SLC2A14: variants seen among roughly 807,000 people sequenced by gnomAD.
The protein encoded by SLC2A14 is solute carrier family 2, facilitated glucose transporter member 14.
Under a neutral mutation model 43.0 loss-of-function variants are expected in SLC2A14, and 13 were observed. That is an observed-to-expected ratio of 0.30 (90% CI 0.20 to 0.48). The LOEUF is 0.48. SLC2A14 is among the 20% of genes least tolerant of loss of function. The pLI, the probability that SLC2A14 is intolerant of heterozygous loss-of-function variation, is 0.99. For missense variants in SLC2A14, 428 were observed against 620.4 expected (o/e 0.69, Z 3.29); for synonymous variants, 190 against 233.8 (o/e 0.81, Z 1.71).
intron 2 of SLC2A14, among the ~76,000 whole-genome samples, chr12:7,844,910 T>C (rs911810887): frequency 6.6e-6 from 1 of 152,138 alleles, no homozygotes; most frequent in African/African-American, 2.4e-5. Context: ...TTTAATAATC[T>C]TTTTATCCAT....
At chr12:7,833,711 G>A (rs1865215552) in intron 2 of SLC2A14, among the ~76,000 whole-genome samples, 1 of 151,946 alleles carries the variant, frequency 6.6e-6, no homozygotes, top group Non-Finnish European at 1.5e-5. Context: ...GACCCTGAGA[G>A]GCGGAGGTTG....
intron 2 of SLC2A14, among the ~76,000 whole-genome samples, chr12:7,854,551 C>T (rs1350666433): frequency 1.3e-5 from 2 of 151,836 alleles, no homozygotes; most frequent in Non-Finnish European, 2.9e-5. Context: ...GTGCAATGGC[C>T]CACGAGTGCA....
At position 7,819,114 on chromosome 12, in the gene SLC2A14, G is replaced by A. The variant is rs187774169; in HGVS notation, c.1071+368C>T. On this transcript the variant is annotated intron_variant, in intron 9 of 10. Transcript: ENST00000431042. ...TGCCTGTAATCACAGCTACTCGGGAGGCTGATGCAGGAGAATCACTTGAAC... is the reference window on the plus strand; with the variant it reads ...TGCCTGTAATCACAGCTACTCGGGAAGCTGATGCAGGAGAATCACTTGAAC... Among the ~76,000 whole-genome samples the A allele has an allele frequency of 4.6e-3, 706 of 152,184 alleles. 6 individuals carry two copies. The highest frequency in any genetic ancestry group is 0.011 in the Admixed American group (169 of 15,266).
upstream of SLC2A14, among the ~76,000 whole-genome samples, chr12:7,876,456 G>A (rs749715876): frequency 3.2e-4 from 49 of 152,140 alleles, no homozygotes; most frequent in African/African-American, 1.1e-3. Context: ...TCAAGTGTTG[G>A]TGCTGAAGTG....
At chr12:7,874,772 CAT>C (rs372968029), upstream of SLC2A14, among the ~76,000 whole-genome samples, 56,977 of 78,366 alleles carry the variant, frequency 0.73, 20,612 homozygotes, top group South Asian at 0.89. Flanking sequence ...ACTATATAAA[CAT>C]ATATAAATAT....
intron 1 of SLC2A14, 146 bp from the exon 2 acceptor site, chr12:7,870,083 G>A: frequency 1.9e-6 from 1 of 523,640 alleles, no homozygotes; most frequent in Non-Finnish European, 3.3e-6. Context: ...TTCTATTGAT[G>A]TTTTAGATTA....
At chr12:7,848,805 T>C (rs989964600) in intron 2 of SLC2A14, among the ~76,000 whole-genome samples, 7 of 150,986 alleles carry the variant, frequency 4.6e-5, no homozygotes, top group Non-Finnish European at 2.9e-5. Context: ...ATCCACCCGC[T>C]TCGACCTCCC....
intron 2 of SLC2A14, among the ~76,000 whole-genome samples, chr12:7,867,604 T>C (rs1944995787): frequency 6.6e-6 from 1 of 152,020 alleles, no homozygotes; most frequent in African/African-American, 2.4e-5. Flanking sequence ...CCCAGCACTT[T>C]GGGAGGCTGA....
At chr12:7,815,927 T>G (rs1194214564) in intron 10 of SLC2A14, among the ~76,000 whole-genome samples, 3 of 149,814 alleles carry the variant, frequency 2.0e-5, no homozygotes, top group Non-Finnish European at 3.0e-5. Flanking sequence ...TGAGATGGAG[T>G]TTTGCTCTTA....
chr12:7,848,535 A>G (rs1866650204), intron 2 of SLC2A14, among the ~76,000 whole-genome samples: 1 of 147,274 alleles, frequency 6.8e-6, no homozygotes, highest in Non-Finnish European at 1.5e-5. Flanking sequence ...CCTAGCCACA[A>G]ATTCTGCTTT....
chr12:7,814,392 G>A lies in SLC2A14; in HGVS notation c.1418C>T (p.Ala473Val). ...GACGCCGTCCTTCCCAGATCTATCTGCACCGTGTGCCTGCCCTTCAAAGGC... is the reference window on the plus strand; with the variant it reads ...GACGCCGTCCTTCCCAGATCTATCTACACCGTGTGCCTGCCCTTCAAAGGC... ...TRAFEGQAHG[A>V]DRSGKDGVMG... The change falls in exon 11 of 11, where the codon GCA becomes GTA. Residue 473 changes from alanine (A) to valine (V), a missense_variant. Around this residue, in one of 4 missense-constraint regions of SLC2A14, gnomAD observed 119 missense variants for 188.7 expected, o/e 0.63. Coordinates refer to ENST00000431042, the MANE Select transcript of SLC2A14 (RefSeq NM_001286234.2). 1 of 1,613,008 alleles carries A rather than the reference G, an allele frequency of 6.2e-7. No homozygotes were observed. The highest frequency in any genetic ancestry group is 8.5e-7 in the Non-Finnish European group (1 of 1,179,664).
intron 1 of SLC2A14, among the ~76,000 whole-genome samples, chr12:7,884,125 A>G (rs770549276): frequency 7.3e-5 from 11 of 150,516 alleles, no homozygotes; most frequent in East Asian, 4.0e-4. Context: ...GGGTTTCACC[A>G]TGTTAGCCAG....
chr12:7,889,392 C>T (rs1038274520), intron 1 of SLC2A14, among the ~76,000 whole-genome samples: 16 of 151,750 alleles, frequency 1.1e-4, no homozygotes, highest in African/African-American at 3.1e-4. Flanking sequence ...TGCACCATCA[C>T]GCCCGGCTAA....
At position 7,829,753 on chromosome 12, in the gene SLC2A14, A is replaced by G; in HGVS notation, c.513+13T>C. The G allele has an allele frequency of 1.2e-6, 2 of 1,613,746 alleles. No individual in the cohort carries two copies. ...AAACTAACACTCATTAAGTATGAGAAGTTCTAGAGTACCTGGGCCACCAGA... is the reference window on the plus strand; with the variant it reads ...AAACTAACACTCATTAAGTATGAGAGGTTCTAGAGTACCTGGGCCACCAGA... On this transcript the variant is annotated intron_variant, in intron 5 of 10. Transcript: ENST00000431042.
Position 7,826,911 on chromosome 12 carries a change from T to TTC in SLC2A14, c.864+582_864+583dup, listed in dbSNP as rs1289312504. On this transcript the variant is annotated intron_variant, in intron 7 of 10. Coordinates refer to ENST00000431042, the MANE Select transcript of SLC2A14 (RefSeq NM_001286234.2). ...TTTCTTTCTTTCTTTCTTTCTTTCT[T>TTC]TCTTTTTCCTTTTTCTTTCCTTTCC... is the stretch of plus-strand genomic sequence containing the variant. Among the ~76,000 whole-genome samples, 4 of 126,504 alleles carry TTC rather than the reference T, an allele frequency of 3.2e-5. 1 individual carries two copies. Among genetic ancestry groups the TTC allele is most frequent in the South Asian group, 2.4e-4 (1 of 4,118 alleles). 83.0% of individuals were successfully genotyped at this position (126,504 alleles called of 152,430 possible).
chr12:7,842,158 G>A (rs1217977123), intron 2 of SLC2A14, among the ~76,000 whole-genome samples: 1 of 152,108 alleles, frequency 6.6e-6, no homozygotes, highest in Non-Finnish European at 1.5e-5. Context: ...AGCCTTTTCA[G>A]ATTGGCTTAT....
chr12:7,877,248 T>C (rs1317487508), upstream of SLC2A14, among the ~76,000 whole-genome samples: 2 of 152,174 alleles, frequency 1.3e-5, no homozygotes, highest in South Asian at 2.1e-4. Flanking sequence ...TCCACCCGCC[T>C]CGGCCTCCCA....
intron 2 of SLC2A14, among the ~76,000 whole-genome samples, chr12:7,865,936 G>A (rs999081426): frequency 6.6e-6 from 1 of 152,130 alleles, no homozygotes; most frequent in Admixed American, 6.5e-5. Flanking sequence ...TGTGACAGGG[G>A]CCGGGCATGG....
At chr12:7,842,921 T>C (rs745395504) in intron 2 of SLC2A14, among the ~76,000 whole-genome samples, 1 of 151,948 alleles carries the variant, frequency 6.6e-6, no homozygotes, top group African/African-American at 2.4e-5. Flanking sequence ...AGAGATAGGG[T>C]TTCTACATGT....
Sources: allele counts gnomAD v4.1 joint callset (sites outside exome capture counted in the v4.1 genomes callset), GRCh38; gene constraint gnomAD v4.1.1; regional missense constraint gnomAD v4.1.1; transcripts MANE v1.5; gene names NCBI Gene and HGNC (gene_info 2026-07-23, HGNC 2026-07-21).